Variants in PRKCA observed in about 807,000 individuals in gnomAD.
PRKCA encodes protein kinase C alpha type.
In PRKCA, 27 loss-of-function variants were observed where a neutral mutation model predicts 87.0. The observed-to-expected ratio is 0.31, with a 90% CI of 0.23 to 0.43. The LOEUF is 0.43. PRKCA is among the 20% of genes least tolerant of loss of function. PRKCA has a pLI of 1.00. For missense variants in PRKCA, 518 were observed against 852.3 expected, an observed-to-expected ratio of 0.61 and a Z score of 4.88; for synonymous variants, 329 against 311.1, an observed-to-expected ratio of 1.06 and a Z score of -0.61.
At chr17:66,306,417 A>G in intron 2 of PRKCA, 1 of 324,030 alleles carries the variant, frequency 3.1e-6, no homozygotes, top group Non-Finnish European at 5.5e-6. Context: ...TGTTGAGAAA[A>G]AAATGGAATC....
intron 5 of PRKCA, among the ~76,000 whole-genome samples, chr17:66,654,916 G>A (rs925263176): frequency 6.6e-6 from 1 of 152,186 alleles, no homozygotes; most frequent in African/African-American, 2.4e-5. Flanking sequence ...GAGTTGCGTG[G>A]GCATGTGACT....
intron 3 of PRKCA, among the ~76,000 whole-genome samples, chr17:66,571,703 T>C (rs1433005003): frequency 6.6e-6 from 1 of 152,242 alleles, no homozygotes; most frequent in East Asian, 1.9e-4. Flanking sequence ...TAAAAACTTT[T>C]GTTTGACGGT....
chr17:66,750,499 T>C (rs1355435338), intron 13 of PRKCA, among the ~76,000 whole-genome samples: 1 of 152,190 alleles, frequency 6.6e-6, no homozygotes, highest in African/African-American at 2.4e-5. Context: ...TCATATATTG[T>C]ATTGTCTGCC....
At chr17:66,564,910 G>T (rs1968840126) in intron 3 of PRKCA, among the ~76,000 whole-genome samples, 1 of 152,144 alleles carries the variant, frequency 6.6e-6, no homozygotes, top group South Asian at 2.1e-4. Flanking sequence ...AACCCGGTTG[G>T]CAGAGGTTGC....
intron 2 of PRKCA, among the ~76,000 whole-genome samples, chr17:66,395,619 A>C (rs1396272206): frequency 1.3e-5 from 2 of 152,220 alleles, no homozygotes; most frequent in Admixed American, 1.3e-4. Context: ...TTAACTAAGC[A>C]CAAGGAACAG....
intron 2 of PRKCA, among the ~76,000 whole-genome samples, chr17:66,453,419 G>A (rs1329427663): frequency 5.3e-5 from 8 of 151,960 alleles, no homozygotes; most frequent in Admixed American, 2.6e-4. Context: ...CTGGGTTCAA[G>A]CGATTCTCCT....
intron 3 of PRKCA, among the ~76,000 whole-genome samples, chr17:66,611,471 G>T (rs1208747200): frequency 6.6e-6 from 1 of 152,124 alleles, no homozygotes; most frequent in Non-Finnish European, 1.5e-5. Context: ...CTGGCTTCTT[G>T]TATTGTGTTT....
At chr17:66,338,094 T>TTTTTTTTTTTTTTTTTTTTTTGAGACG (rs1906817077) in intron 2 of PRKCA, among the ~76,000 whole-genome samples, 1 of 151,522 alleles carries the variant, frequency 6.6e-6, no homozygotes, top group African/African-American at 2.4e-5. Flanking sequence ...TAGCGGTTCT[T>TTTTTTTTTTTTTTTTTTTTTTGAGACG]GCTGAATGAT....
intron 2 of PRKCA, among the ~76,000 whole-genome samples, chr17:66,471,301 G>A (rs1250987478): frequency 6.6e-6 from 1 of 152,200 alleles, no homozygotes; most frequent in African/African-American, 2.4e-5. Context: ...CTCTGGCAAT[G>A]CCATAGATTT....
At chr17:66,522,151 G>A (rs1359193659) in intron 3 of PRKCA, among the ~76,000 whole-genome samples, 1 of 152,154 alleles carries the variant, frequency 6.6e-6, no homozygotes, top group Admixed American at 6.5e-5. Context: ...CCTGGGCGAC[G>A]GGTCCTGCAG....
At chr17:66,610,747 GTC>G (rs1328560863) in intron 3 of PRKCA, among the ~76,000 whole-genome samples, 1 of 152,196 alleles carries the variant, frequency 6.6e-6, no homozygotes, top group Non-Finnish European at 1.5e-5. Context: ...CTCAGTTCCT[GTC>G]TCTGTGTCCT....
chr17:66,567,238 A>G (rs927217474), intron 3 of PRKCA, among the ~76,000 whole-genome samples: 25 of 152,190 alleles, frequency 1.6e-4, no homozygotes, highest in African/African-American at 5.8e-4. Flanking sequence ...ATGAAATGCA[A>G]TCTTGAAAAA....
At chr17:66,708,048 T>C (rs1015149890) in intron 8 of PRKCA, among the ~76,000 whole-genome samples, 1 of 152,104 alleles carries the variant, frequency 6.6e-6, no homozygotes, top group Non-Finnish European at 1.5e-5. Context: ...TGGTGTTGTA[T>C]TTTGGTTTTA....
At position 66,807,087 on chromosome 17, in the gene PRKCA, A is replaced by G. The variant is rs1976047372; in HGVS notation, c.*3050A>G. ...CTGGCCCCTTCGTGGGTATTGTGTGAAATGAGATGGTGGCGAGGGGTGCGC... is the reference window on the plus strand; with the variant it reads ...CTGGCCCCTTCGTGGGTATTGTGTGGAATGAGATGGTGGCGAGGGGTGCGC... On this transcript the variant is annotated 3_prime_UTR_variant, in exon 17 of 17. Coordinates refer to ENST00000413366, the MANE Select transcript of PRKCA (RefSeq NM_002737.3). The surrounding 1 kb of genome is among the most constrained non-coding windows in gnomAD (Gnocchi z 4.3). 1 of 152,244 alleles carries G rather than the reference A, an allele frequency of 6.6e-6. No individual in the cohort carries two copies. Among genetic ancestry groups the G allele is most frequent in the Non-Finnish European group, 1.5e-5 (1 of 68,072 alleles). 9.4% of individuals were successfully genotyped at this position (152,244 alleles called of 1,614,324 possible).
chr17:66,428,788 G>T (rs994359259), intron 2 of PRKCA, among the ~76,000 whole-genome samples: 1 of 152,098 alleles, frequency 6.6e-6, no homozygotes, highest in African/African-American at 2.4e-5. Context: ...ATAGGTGTGA[G>T]CCACCGCGCC....
At chr17:66,304,505 G>T (rs1029007155) in intron 1 of PRKCA, among the ~76,000 whole-genome samples, 2 of 152,146 alleles carry the variant, frequency 1.3e-5, no homozygotes, top group African/African-American at 4.8e-5. Context: ...TCTAGGCCAG[G>T]GGGAGCTGCA....
At chr17:66,769,256 G>T (rs543028284) in intron 13 of PRKCA, among the ~76,000 whole-genome samples, 1 of 151,950 alleles carries the variant, frequency 6.6e-6, no homozygotes, top group African/African-American at 2.4e-5. Context: ...TACTTAGGAG[G>T]CTGGGTGGGA....
chr17:66,306,327 GAAAA>G (rs141495406), intron 2 of PRKCA, 200 bp downstream of exon 2: 60 of 300,370 alleles, frequency 2.0e-4, no homozygotes, highest in South Asian at 2.9e-4. Flanking sequence ...TTTCTCATTG[GAAAA>G]AAAAAAAAAA....
chr17:66,794,364 C>T (rs1267759303), intron 16 of PRKCA, among the ~76,000 whole-genome samples: 1 of 152,124 alleles, frequency 6.6e-6, no homozygotes, highest in African/African-American at 2.4e-5. Flanking sequence ...TTCCTTTTCC[C>T]AGTCACCACA....
Sources: allele counts gnomAD v4.1 joint callset (sites outside exome capture counted in the v4.1 genomes callset), GRCh38; gene constraint gnomAD v4.1.1; non-coding constraint Gnocchi (gnomAD v3.1); transcripts MANE v1.5; gene names NCBI Gene and HGNC (gene_info 2026-07-23, HGNC 2026-07-21).